EPB41: variants seen among roughly 807,000 people sequenced by gnomAD.
The protein encoded by EPB41 is protein 4.1.
Under a neutral mutation model 108.0 loss-of-function variants are expected in EPB41, and 65 were observed. The ratio of observed to expected loss-of-function variants is 0.60; its 90% confidence interval spans 0.49 to 0.74. The LOEUF is 0.74. EPB41 is among the 30% of genes least tolerant of loss of function. The pLI, the probability that EPB41 is intolerant of heterozygous loss-of-function variation, is 0.00. For missense variants in EPB41, 875 were observed against 1,037.0 expected, an observed-to-expected ratio of 0.84 and a Z score of 2.15; for synonymous variants, 336 against 358.9, an observed-to-expected ratio of 0.94 and a Z score of 0.72.
At chr1:28,946,652 CTA>C (rs1444607738) in intron 1 of EPB41, among the ~76,000 whole-genome samples, 2 of 152,200 alleles carry the variant, frequency 1.3e-5, no homozygotes, top group Non-Finnish European at 2.9e-5. Context: ...AATAGCGACT[CTA>C]TTTTTCATTT....
chr1:29,035,947 T>G (rs1397038535), intron 10 of EPB41, 24 bp downstream of exon 10: 1 of 1,533,802 alleles, frequency 6.5e-7, no homozygotes, highest in Non-Finnish European at 9.0e-7. Flanking sequence ...TTAAGTATTT[T>G]TCAAGGATAA....
intron 1 of EPB41, among the ~76,000 whole-genome samples, chr1:28,944,831 G>C (rs953898790): frequency 1.4e-4 from 21 of 150,900 alleles, no homozygotes; most frequent in Non-Finnish European, 2.8e-4. Flanking sequence ...TGTAATGCCT[G>C]TAATCCTAGC....
chr1:29,094,126 A>T (rs10915226), intron 16 of EPB41, among the ~76,000 whole-genome samples: 19,326 of 151,888 alleles, frequency 0.13, 1,727 homozygotes, highest in African/African-American at 0.26. Context: ...TCCTTTCCTC[A>T]TTGCTTGTTT....
chr1:28,928,186 A>G (rs157212), intron 1 of EPB41, among the ~76,000 whole-genome samples: 1,662 of 152,020 alleles, frequency 0.011, 34 homozygotes, highest in African/African-American at 0.038. Flanking sequence ...GTGGTATTCT[A>G]TTGGGATACC....
upstream of EPB41, among the ~76,000 whole-genome samples, chr1:28,913,217 G>A (rs1357408885): frequency 2.0e-5 from 3 of 152,132 alleles, no homozygotes; most frequent in Non-Finnish European, 2.9e-5. Context: ...GGGAGGCCGA[G>A]AAGGGCGGAT....
chr1:28,933,330 G>C (rs1462648517), intron 1 of EPB41, among the ~76,000 whole-genome samples: 1 of 152,102 alleles, frequency 6.6e-6, no homozygotes, highest in Non-Finnish European at 1.5e-5. Context: ...CTTAGCTGGT[G>C]GTATTTTCCT....
Position 29,115,307 on chromosome 1 carries a change from T to C in EPB41, c.2497-392T>C, listed in dbSNP as rs1359650267. On this transcript the variant is annotated intron_variant, in intron 19 of 20. Transcript: ENST00000343067. The surrounding 1 kb of genome is among the most constrained non-coding windows in gnomAD (Gnocchi z 4.4). ...ACTCAGGAGGCTGAAGCAGGAGAAC[T>C]GCTTGAACCTGGGAGGCGGAGGTTG... Among the ~76,000 whole-genome samples, 1 of 152,080 alleles carries C rather than the reference T, an allele frequency of 6.6e-6. No homozygotes were observed. Among genetic ancestry groups the C allele is most frequent in the Non-Finnish European group, 1.5e-5 (1 of 68,004 alleles).
chr1:29,102,056 A>G (rs1665603238), intron 17 of EPB41, among the ~76,000 whole-genome samples: 1 of 152,240 alleles, frequency 6.6e-6, no homozygotes, highest in Non-Finnish European at 1.5e-5. Context: ...AGGTCTTGGC[A>G]GTGAAGGGGA....
upstream of EPB41, among the ~76,000 whole-genome samples, chr1:28,911,797 CT>C (rs2092269973): frequency 6.6e-6 from 1 of 151,898 alleles, no homozygotes; most frequent in Non-Finnish European, 1.5e-5. Context: ...AATCCCAGCA[CT>C]TTGGGATGCT....
At chr1:29,024,636 A>C (rs1225158058) in intron 7 of EPB41, among the ~76,000 whole-genome samples, 6 of 150,692 alleles carry the variant, frequency 4.0e-5, no homozygotes, top group Non-Finnish European at 1.5e-5. Context: ...CGTCTCAAAA[A>C]ATAAATAAAT....
At chr1:29,033,287 C>T in intron 9 of EPB41, 42 bp downstream of exon 9, 4 of 1,604,722 alleles carry the variant, frequency 2.5e-6, no homozygotes, top group Non-Finnish European at 3.4e-6. Flanking sequence ...CAGACACAGT[C>T]TGTATCTGAA....
At position 28,907,890 on chromosome 1, in the gene EPB41, G is replaced by A. The variant is rs896279679; in HGVS notation, c.-8+20680G>A. 6.0e-5 allele frequency among the ~76,000 whole-genome samples: 9 copies of A among 151,122 alleles called. No homozygotes were observed. In the South Asian group the frequency reaches 8.4e-4, roughly 14 times the overall value. ...TCACTATGTTGCCTAGACTGATCTC[G>A]AACTCCTGGCCTCAAGCAGTCCTCC... On this transcript the variant is annotated intron_variant, in intron 1 of 16. Coordinates refer to the EPB41 transcript ENST00000347529.
chr1:28,994,993 TAA>T, intron 3 of EPB41, among the ~76,000 whole-genome samples: 2 of 133,376 alleles, frequency 1.5e-5, no homozygotes, highest in South Asian at 2.8e-4. Context: ...TTTGCAAATG[TAA>T]ATATGTTCAA....
intron 1 of EPB41, among the ~76,000 whole-genome samples, chr1:28,917,259 T>G (rs2092747054): frequency 6.6e-6 from 1 of 151,792 alleles, no homozygotes; most frequent in Non-Finnish European, 1.5e-5. Flanking sequence ...TGTGTGTGTG[T>G]GTGTGTGTAT....
intron 1 of EPB41, among the ~76,000 whole-genome samples, chr1:28,890,573 A>C (rs558853436): frequency 6.6e-6 from 1 of 152,314 alleles, no homozygotes; most frequent in South Asian, 2.1e-4. Context: ...ATGAAGGCTG[A>C]GTATGACGGG....
intron 1 of EPB41, among the ~76,000 whole-genome samples, chr1:28,935,468 C>CACACACACACACACACACACACACACT (rs1491193201): frequency 2.4e-5 from 1 of 42,220 alleles, no homozygotes; most frequent in Non-Finnish European, 5.1e-5. Flanking sequence ...CACACACACA[C>CACACACACACACACACACACACACACT]CCCCCCCCCC....
chr1:28,941,158 A>G (rs960937883), intron 1 of EPB41, among the ~76,000 whole-genome samples: 2 of 151,750 alleles, frequency 1.3e-5, no homozygotes, highest in Admixed American at 6.6e-5. Context: ...TGGGTAGATC[A>G]CTTGAGCTCA....
At chr1:28,928,640 G>C (rs917413893) in intron 1 of EPB41, among the ~76,000 whole-genome samples, 2 of 152,138 alleles carry the variant, frequency 1.3e-5, no homozygotes, top group South Asian at 4.1e-4. Context: ...GAAAACTACA[G>C]TTTAGTTTGT....
intron 16 of EPB41, chr1:29,069,131 C>G: frequency 1.6e-6 from 2 of 1,225,270 alleles, no homozygotes; most frequent in Non-Finnish European, 2.0e-6. Context: ...AATTTTGCAT[C>G]CTTTCTTTTC....
Sources: gnomAD v4.1 joint callset for allele counts (sites outside exome capture counted in the v4.1 genomes callset) on GRCh38, gnomAD v4.1.1 for gene constraint, Gnocchi (gnomAD v3.1) non-coding constraint, MANE v1.5 for transcripts, NCBI Gene and HGNC (gene_info 2026-07-23, HGNC 2026-07-21) for gene names.